KIAA0586: variants seen among roughly 807,000 people sequenced by gnomAD.
The protein encoded by KIAA0586 is protein TALPID3.
In KIAA0586, 144 loss-of-function variants were observed where a neutral mutation model predicts 169.8. The observed-to-expected ratio is 0.85, with a 90% CI of 0.74 to 0.97. The LOEUF (loss-of-function observed/expected upper bound fraction) is 0.97, where lower values mean the gene tolerates loss of function less well. KIAA0586 is among the 50% of genes least tolerant of loss of function. KIAA0586 has a pLI of 0.00. For missense variants in KIAA0586, 1,854 were observed against 1,823.0 expected, an observed-to-expected ratio of 1.02 and a Z score of -0.31; for synonymous variants, 625 against 612.4, an observed-to-expected ratio of 1.02 and a Z score of -0.30.
At chr14:58,516,192 C>T (rs1484602426) in intron 29 of KIAA0586, among the ~76,000 whole-genome samples, 1 of 152,194 alleles carries the variant, frequency 6.6e-6, no homozygotes, top group Admixed American at 6.5e-5. Flanking sequence ...ATCTTCTGCA[C>T]AGACCTCTAG....
intron 29 of KIAA0586, among the ~76,000 whole-genome samples, chr14:58,519,122 A>T (rs28628606): frequency 0.27 from 40,512 of 152,122 alleles, 5,470 homozygotes; most frequent in East Asian, 0.37. Flanking sequence ...ACAAAGTGAG[A>T]CTCTGTCTCA....
chr14:58,483,893 G>A (rs1412904518), intron 21 of KIAA0586, among the ~76,000 whole-genome samples: 2 of 152,138 alleles, frequency 1.3e-5, no homozygotes, highest in Non-Finnish European at 2.9e-5. Flanking sequence ...TGTAGAGATT[G>A]TTGTGGTATA....
At chr14:58,530,905 A>G (rs2045915847) in intron 29 of KIAA0586, among the ~76,000 whole-genome samples, 2 of 152,172 alleles carry the variant, frequency 1.3e-5, no homozygotes, top group African/African-American at 2.4e-5. Flanking sequence ...TGAACAGGCA[A>G]CCTACAGAAT....
At chr14:58,518,237 G>A (rs568751270) in intron 29 of KIAA0586, among the ~76,000 whole-genome samples, 1 of 152,254 alleles carries the variant, frequency 6.6e-6, no homozygotes, top group East Asian at 1.9e-4. Context: ...GTGTGTAAAT[G>A]TGATACTGTA....
intron 29 of KIAA0586, among the ~76,000 whole-genome samples, chr14:58,513,545 T>C (rs2044541825): frequency 6.6e-6 from 1 of 151,820 alleles, no homozygotes; most frequent in Non-Finnish European, 1.5e-5. Context: ...GTTCCCCTCT[T>C]GCTCCAAGTT....
At chr14:58,533,888 ATGG>A (rs1048194035) in intron 29 of KIAA0586, among the ~76,000 whole-genome samples, 3 of 152,154 alleles carry the variant, frequency 2.0e-5, no homozygotes, top group African/African-American at 7.2e-5. Context: ...AGGATGTGGA[ATGG>A]TGGTGTTTTT....
intron 28 of KIAA0586, among the ~76,000 whole-genome samples, chr14:58,511,463 A>G (rs1281445103): frequency 6.6e-6 from 1 of 152,208 alleles, no homozygotes; most frequent in African/African-American, 2.4e-5. Context: ...AAGCTAGAAA[A>G]TGCCTTACCC....
At chr14:58,462,631 T>A (rs1337430404) in intron 14 of KIAA0586, among the ~76,000 whole-genome samples, 2 of 152,256 alleles carry the variant, frequency 1.3e-5, no homozygotes, top group Non-Finnish European at 2.9e-5. Flanking sequence ...TAAAATGCTT[T>A]CAAATCCAAA....
At chr14:58,558,178 T>A in the KIAA0586 span, among the ~76,000 whole-genome samples, 1 of 152,170 alleles carries the variant, frequency 6.6e-6, no homozygotes, top group South Asian at 2.1e-4. Context: ...CCCAAAGTGC[T>A]GAGATTACAG....
At position 58,457,948 on chromosome 14, in the gene KIAA0586, T is replaced by G; in HGVS notation, c.1552T>G (p.Tyr518Asp). 6.3e-7 allele frequency: 1 copy of G among 1,598,634 alleles called. No homozygotes were observed. Among genetic ancestry groups the G allele is most frequent in the Middle Eastern group, 1.7e-4 (1 of 6,040 alleles). ...IIRAKDGAAMYSLINALSTNR... is the reference protein window; with the variant it reads ...IIRAKDGAAMDSLINALSTNR... The stretch of plus-strand genomic sequence containing the variant: ...TCGTGCAAAAGATGGAGCTGCCATG[T>G]ATTCGCTTATCAATGCTTTATCTAC... The change falls in exon 11 of 31, where the codon TAT (tyrosine) becomes GAT (aspartate). Residue 518 changes from tyrosine (Y) to aspartate (D), a missense_variant. Coordinates refer to ENST00000652326, the MANE Select transcript of KIAA0586 (RefSeq NM_001329943.3).
At position 58,544,910 on chromosome 14, in the gene KIAA0586, T is replaced by G. The variant is rs571552869; in HGVS notation, c.4496-2871T>G. On this transcript the variant is annotated intron_variant, in intron 30 of 30. Transcript: ENST00000652326. ...GTTCCCTTAACACATTAACTTTATC[T>G]TGACTTTATTTTGTTATTCTGTTTT... Among the ~76,000 whole-genome samples the G allele has an allele frequency of 6.8e-4, 104 of 152,364 alleles. 2 individuals carry two copies. In the South Asian group the frequency reaches 0.021, roughly 30 times the overall value.
At position 58,448,392 on chromosome 14, in the gene KIAA0586, T is replaced by C. The variant is rs1278525929; in HGVS notation, c.860T>C (p.Met287Thr). Residue 287 changes from methionine to threonine, a missense_variant, in exon 7 of 31, where the codon ATG (methionine) becomes ACG (threonine). By Grantham distance (81) the Met-to-Thr change is moderately conservative (BLOSUM62 -1). Transcript: ENST00000652326. ...LKTSSFQPVS[M>T]PSSRAVEKYS... ...ACTAGTAGTTTTCAGCCTGTTAGTA[T>C]GCCCTCCTCCAGAGCAGTGGAAAAG... The C allele has an allele frequency of 6.2e-7, 1 of 1,608,558 alleles. No individual in the cohort carries two copies. The highest frequency in any genetic ancestry group is 8.5e-7 in the Non-Finnish European group (1 of 1,175,250).
intron 29 of KIAA0586, among the ~76,000 whole-genome samples, chr14:58,524,346 A>G (rs2045429818): frequency 1.3e-5 from 2 of 152,246 alleles, no homozygotes; most frequent in African/African-American, 2.4e-5. Flanking sequence ...ATGAACCACT[A>G]CTAGATTGTT....
intron 4 of KIAA0586, among the ~76,000 whole-genome samples, chr14:58,435,454 C>A (rs1001662469): frequency 6.6e-6 from 1 of 152,146 alleles, no homozygotes; most frequent in Non-Finnish European, 1.5e-5. Flanking sequence ...AAACATTTAT[C>A]ATTTCTTTGT....
chr14:58,497,448 C>T (rs1336400758), intron 26 of KIAA0586, among the ~76,000 whole-genome samples: 1 of 151,682 alleles, frequency 6.6e-6, no homozygotes, highest in Non-Finnish European at 1.5e-5. Flanking sequence ...CAGCCTCTGC[C>T]TCCTGGTTTC....
chr14:58,541,658 A>G (rs2046641973), intron 30 of KIAA0586, among the ~76,000 whole-genome samples: 2 of 152,246 alleles, frequency 1.3e-5, no homozygotes, highest in Non-Finnish European at 2.9e-5. Flanking sequence ...ACTTAGTTTT[A>G]TAAATCTGAC....
intron 6 of KIAA0586, among the ~76,000 whole-genome samples, chr14:58,445,005 A>G (rs1244888654): frequency 2.6e-5 from 4 of 151,424 alleles, no homozygotes; most frequent in Non-Finnish European, 5.9e-5. Flanking sequence ...AGACTGCCGG[A>G]GACCTTGAGT....
At chr14:58,560,150 C>CA in the KIAA0586 span, among the ~76,000 whole-genome samples, 8,954 of 86,114 alleles carry the variant, frequency 0.1, 442 homozygotes, top group African/African-American at 0.17. Context: ...GACTCCATCT[C>CA]AAAAAAAAAA....
At chr14:58,441,122 T>C (rs974350177) in intron 4 of KIAA0586, 2 of 212,668 alleles carry the variant, frequency 9.4e-6, no homozygotes, top group African/African-American at 4.6e-5. Context: ...TTTTCAATTA[T>C]ACCTCAGTAA....
Sources: gnomAD v4.1 joint callset for allele counts (sites outside exome capture counted in the v4.1 genomes callset) on GRCh38, gnomAD v4.1.1 for gene constraint, MANE v1.5 for transcripts, NCBI Gene and HGNC (gene_info 2026-07-23, HGNC 2026-07-21) for gene names.